PVT1: variants seen among roughly 807,000 people sequenced by gnomAD.
PVT1 encodes the protein Pvt1 oncogene.
Position 127,971,466 on chromosome 8 carries a change from G to A in PVT1, n.783-17696G>A, listed in dbSNP as rs556405800. Among the ~76,000 whole-genome samples the A allele has an allele frequency of 4.6e-5, 7 of 152,328 alleles. No homozygotes were observed. In the South Asian group the frequency reaches 6.2e-4, roughly 14 times the overall value. On this transcript the variant is annotated intron_variant and non_coding_transcript_variant, in intron 3 of 10. Coordinates refer to ENST00000651587, the Ensembl canonical transcript of PVT1. ...TCAGGTGAGAGCTCTTGAGAAGACC[G>A]CCTATATCTCTTCCCATGCAATAGC...
intron 3 of PVT1, among the ~76,000 whole-genome samples, chr8:127,980,166 A>G (rs1390980325): frequency 6.6e-6 from 1 of 152,068 alleles, no homozygotes; most frequent in African/African-American, 2.4e-5. Context: ...ATAGGTGTGA[A>G]CCACTGTGCC....
chr8:127,976,694 G>A (rs946112538), intron 3 of PVT1, among the ~76,000 whole-genome samples: 1 of 152,158 alleles, frequency 6.6e-6, no homozygotes, highest in African/African-American at 2.4e-5. Context: ...CACTTTGGGG[G>A]CTCTGTATCC....
intron 4 of PVT1, among the ~76,000 whole-genome samples, chr8:128,067,047 GA>G (rs1419363791): frequency 3.3e-5 from 5 of 152,096 alleles, no homozygotes; most frequent in African/African-American, 1.2e-4. Context: ...GCTCTCAGAG[GA>G]CTTTCCTTTG....
intron 3 of PVT1, among the ~76,000 whole-genome samples, chr8:127,980,936 A>G (rs1316317988): frequency 6.6e-6 from 1 of 151,686 alleles, no homozygotes; most frequent in African/African-American, 2.4e-5. Context: ...AGGTGGGATT[A>G]CGGGCATCCA....
intron 4 of PVT1, among the ~76,000 whole-genome samples, chr8:128,031,336 G>A (rs11985818): frequency 0.22 from 34,134 of 152,190 alleles, 4,362 homozygotes; most frequent in Admixed American, 0.38. Flanking sequence ...CACAAAAGCT[G>A]CAGAAAGCAG....
chr8:127,933,979 T>C (rs1586443267), intron 3 of PVT1, among the ~76,000 whole-genome samples: 1 of 152,386 alleles, frequency 6.6e-6, no homozygotes, highest in East Asian at 1.9e-4. Flanking sequence ...AACTCTCAAC[T>C]AGCTGTGATG....
intron 3 of PVT1, among the ~76,000 whole-genome samples, chr8:127,937,548 G>GACACACAC (rs35147410): frequency 0.012 from 1,533 of 122,662 alleles, 59 homozygotes; most frequent in African/African-American, 0.049. Context: ...TAGGGAAAAA[G>GACACACAC]ACACACACAC....
At chr8:127,909,725 G>A (rs112940919) in intron 3 of PVT1, among the ~76,000 whole-genome samples, 2 of 152,220 alleles carry the variant, frequency 1.3e-5, no homozygotes, top group African/African-American at 2.4e-5. Flanking sequence ...GGGTGTAGGG[G>A]TCCCCAGAAT....
intron 2 of PVT1, among the ~76,000 whole-genome samples, chr8:127,883,929 C>G (rs1010145504): frequency 2.6e-5 from 4 of 152,210 alleles, no homozygotes; most frequent in Admixed American, 1.3e-4. Flanking sequence ...ATTCCCAGGC[C>G]TTGAAGGGGT....
intron 3 of PVT1, among the ~76,000 whole-genome samples, chr8:127,960,876 C>G (rs1816632609): frequency 7.3e-6 from 1 of 136,678 alleles, no homozygotes; most frequent in African/African-American, 2.8e-5. Context: ...TCTGGAAGTA[C>G]AGGAATGAGT....
chr8:127,873,506 A>C (rs1442605275), intron 2 of PVT1, among the ~76,000 whole-genome samples: 1 of 152,128 alleles, frequency 6.6e-6, no homozygotes, highest in African/African-American at 2.4e-5. Flanking sequence ...ATAGTAGCTA[A>C]TATCTATTTC....
intron 4 of PVT1, among the ~76,000 whole-genome samples, chr8:128,061,704 T>G (rs73710129): frequency 6.6e-6 from 1 of 152,174 alleles, no homozygotes; most frequent in Non-Finnish European, 1.5e-5. Context: ...GTGCTAGAAG[T>G]CAGTACAGTG....
At chr8:127,794,913 G>A (rs1814376492) in intron 1 of PVT1, among the ~76,000 whole-genome samples, 1 of 152,024 alleles carries the variant, frequency 6.6e-6, no homozygotes, top group Non-Finnish European at 1.5e-5. Flanking sequence ...GGCGTTTGGG[G>A]AGGGTGAGGG....
intron 2 of PVT1, among the ~76,000 whole-genome samples, chr8:127,824,097 C>T (rs1814761577): frequency 6.6e-6 from 1 of 152,124 alleles, no homozygotes; most frequent in Non-Finnish European, 1.5e-5. Context: ...GAGAGGATTG[C>T]TCGAGCCCAG....
intron 5 of PVT1, among the ~76,000 whole-genome samples, chr8:128,080,631 G>A (rs1814163894): frequency 6.6e-6 from 1 of 152,140 alleles, no homozygotes; most frequent in Non-Finnish European, 1.5e-5. Flanking sequence ...GACATGTCTT[G>A]TGCAAATATT....
At chr8:127,929,707 G>T (rs1475317087) in intron 3 of PVT1, among the ~76,000 whole-genome samples, 4 of 152,104 alleles carry the variant, frequency 2.6e-5, no homozygotes, top group Admixed American at 1.3e-4. Context: ...GGCGGAGCTT[G>T]CAGTGAGCCG....
intron 5 of PVT1, among the ~76,000 whole-genome samples, chr8:128,073,792 AT>A (rs199563730): frequency 0.054 from 8,057 of 149,300 alleles, 296 homozygotes; most frequent in East Asian, 0.14. Flanking sequence ...AATAACAACA[AT>A]TTTTTTTTCT....
chr8:127,815,695 A>G (rs766433738), intron 2 of PVT1, among the ~76,000 whole-genome samples: 2 of 152,244 alleles, frequency 1.3e-5, no homozygotes, highest in South Asian at 2.1e-4. Context: ...TCACCTTCCA[A>G]TAATCTATAG....
At chr8:127,819,957 C>T (rs919856118) in intron 2 of PVT1, among the ~76,000 whole-genome samples, 6 of 152,186 alleles carry the variant, frequency 3.9e-5, no homozygotes, top group Non-Finnish European at 8.8e-5. Context: ...CGCATTCTTT[C>T]ATCTTCATGG....
Sources: gnomAD v4.1 joint callset for allele counts (sites outside exome capture counted in the v4.1 genomes callset) on GRCh38, gnomAD v4.1.1 for gene constraint, MANE v1.5 for transcripts, NCBI Gene and HGNC (gene_info 2026-07-23, HGNC 2026-07-21) for gene names.